Variants in ALPL observed in about 807,000 individuals in gnomAD.
The protein encoded by ALPL is alkaline phosphatase, biomineralization associated.
In ALPL, 42 loss-of-function variants were observed where a neutral mutation model predicts 51.3. That is an observed-to-expected ratio of 0.82 (90% CI 0.64 to 1.06). ALPL has a LOEUF of 1.06. Among genes scored for constraint, ALPL ranks in the 50% least tolerant of loss-of-function variants. The pLI is 0.00. For synonymous variants in ALPL, 279 were observed against 296.4 expected (o/e 0.94, Z 0.60); for missense variants, 589 against 709.4 (o/e 0.83, Z 1.93).
At chr1:21,566,356 T>C (rs1026341664) in intron 6 of ALPL, among the ~76,000 whole-genome samples, 1 of 152,212 alleles carries the variant, frequency 6.6e-6, no homozygotes, top group African/African-American at 2.4e-5. Context: ...CGATCTTGGC[T>C]CACTGCAGCC....
In ALPL at chr1:21,560,756, G is replaced by A; in HGVS notation, c.181+11G>A. ...TGTTCCTGGGAGATGGTGAGGCCCA[G>A]GGGCCTGTGGGAGGGGTGGAACAGG... On this transcript the variant is annotated intron_variant, in intron 3 of 11. Transcript: ENST00000374840. 1 of 1,613,996 alleles carries A rather than the reference G, an allele frequency of 6.2e-7. No homozygotes were observed. Among genetic ancestry groups the A allele is most frequent in the African/African-American group, 1.3e-5 (1 of 75,026 alleles).
chr1:21,574,042 G>A (rs1160032523), intron 9 of ALPL: 6 of 985,452 alleles, frequency 6.1e-6, no homozygotes, highest in South Asian at 4.7e-5. Context: ...CCTGGGAGAG[G>A]AGGCAGATTT....
At position 21,563,235 on chromosome 1, in the gene ALPL, C is replaced by T. The variant is rs1239474442; in HGVS notation, c.423C>T (p.Thr141=). The change falls in exon 5 of 12, where the codon ACC becomes ACT. Residue 141 remains threonine (T), a synonymous_variant. Coordinates refer to ENST00000374840, the MANE Select transcript of ALPL (RefSeq NM_000478.6). ...SAATERSRCN[T]TQGNEVTSIL... The stretch of plus-strand genomic sequence containing the variant: ...CCACTGAGCGTTCCCGGTGCAACAC[C>T]ACCCAGGGGAACGAGGTCACCTCCA... The T allele has an allele frequency of 1.2e-6, 2 of 1,613,794 alleles. No homozygotes were observed. Among genetic ancestry groups the T allele is most frequent in the Non-Finnish European group, 1.7e-6 (2 of 1,179,944 alleles).
intron 8 of ALPL, 137 bp from the exon 9 acceptor site, chr1:21,573,528 G>A (rs915155019): frequency 3.8e-6 from 4 of 1,046,414 alleles, no homozygotes; most frequent in Non-Finnish European, 5.7e-6. Context: ...CCCAGATAAG[G>A]ATCCTCCCAG....
chr1:21,547,706 C>T (rs1047675242), intron 1 of ALPL, among the ~76,000 whole-genome samples: 1 of 152,188 alleles, frequency 6.6e-6, no homozygotes, highest in African/African-American at 2.4e-5. Flanking sequence ...GCTTAAATGG[C>T]GCATAGTCGA....
chr1:21,560,260 A>G (rs751620319), intron 2 of ALPL, among the ~76,000 whole-genome samples: 1 of 152,234 alleles, frequency 6.6e-6, no homozygotes, highest in African/African-American at 2.4e-5. Context: ...AGCACAATTC[A>G]TTTGCTGCCT....
chr1:21,577,724 A>G lies in ALPL; in HGVS notation c.*76A>G. On this transcript the variant is annotated 3_prime_UTR_variant, in exon 12 of 12. Transcript: ENST00000374840. ...CACGGCAGCCCCCCCCTCAAGGGGC[A>G]GGGAGGTGGGGGCCTCCTCAGCCTC... The G allele has an allele frequency of 6.5e-7, 1 of 1,529,078 alleles. No homozygotes were observed. The highest frequency in any genetic ancestry group is 8.8e-7 in the Non-Finnish European group (1 of 1,140,622). 94.7% of individuals were successfully genotyped at this position (1,529,078 alleles called of 1,614,324 possible). A position where few individuals can be genotyped will look rare whatever the true frequency, so the allele number is the denominator to read the frequency against.
At chr1:21,565,200 C>T (rs1377328887) in intron 6 of ALPL, among the ~76,000 whole-genome samples, 1 of 152,182 alleles carries the variant, frequency 6.6e-6, no homozygotes, top group Non-Finnish European at 1.5e-5. Flanking sequence ...GCTACTTGGC[C>T]CCTCCACAGT....
chr1:21,573,972 G>C, intron 9 of ALPL, 173 bp downstream of exon 9: 1 of 985,380 alleles, frequency 1.0e-6, no homozygotes, highest in Non-Finnish European at 1.2e-6. Context: ...TCCCAGCCCA[G>C]CAAGCTGCTC....
Position 21,576,463 on chromosome 1 carries a change from G to T in ALPL, c.1190-59G>T, listed in dbSNP as rs534559758. 3.1e-4 allele frequency: 493 copies of T among 1,600,306 alleles called. No homozygotes were observed. The African/African-American group carries it at 5.3e-3, about 17-fold the overall frequency. Reference sequence around the variant, plus strand: ...AGCCACCAAGGAGCCTAATCTGGGGGCTGGGGACTGTACTCCTGGGGCCCC... The same window carrying T: ...AGCCACCAAGGAGCCTAATCTGGGGTCTGGGGACTGTACTCCTGGGGCCCC... On this transcript the variant is annotated intron_variant, in intron 10 of 11. Transcript: ENST00000374840.
chr1:21,564,261 C>A lies in ALPL; in HGVS notation c.648+45C>A. The A allele has an allele frequency of 1.2e-6, 2 of 1,607,046 alleles. No homozygotes were observed. The highest frequency in any genetic ancestry group is 8.5e-7 in the Non-Finnish European group (1 of 1,177,532). ...CGGGCAGGGACGGGGTGAGGCGGGGCCTCTGGTGGGCAGGAGGCCTCAGGC... is the reference window on the plus strand; with the variant it reads ...CGGGCAGGGACGGGGTGAGGCGGGGACTCTGGTGGGCAGGAGGCCTCAGGC... On this transcript the variant is annotated intron_variant, in intron 6 of 11. Coordinates refer to ENST00000374840, the MANE Select transcript of ALPL (RefSeq NM_000478.6). The surrounding 1 kb of genome is among the most constrained non-coding windows in gnomAD (Gnocchi z 5.8).
chr1:21,531,167 C>T (rs1644025188), intron 1 of ALPL, among the ~76,000 whole-genome samples: 1 of 152,088 alleles, frequency 6.6e-6, no homozygotes, highest in Non-Finnish European at 1.5e-5. Context: ...CCATGTTGGC[C>T]AGGCTGGTCT....
intron 6 of ALPL, among the ~76,000 whole-genome samples, chr1:21,566,051 G>A (rs1558550989): frequency 6.6e-6 from 1 of 152,076 alleles, no homozygotes; most frequent in Non-Finnish European, 1.5e-5. Flanking sequence ...GGCGGGGCAA[G>A]GGACCCGTGA....
chr1:21,516,036 G>A (rs1643793476), intron 1 of ALPL, among the ~76,000 whole-genome samples: 1 of 151,934 alleles, frequency 6.6e-6, no homozygotes, highest in African/African-American at 2.4e-5. Context: ...TCGCCACCAC[G>A]CCCCGCTAAT....
chr1:21,523,487 T>C (rs1643904477), intron 1 of ALPL, among the ~76,000 whole-genome samples: 1 of 152,196 alleles, frequency 6.6e-6, no homozygotes, highest in African/African-American at 2.4e-5. Context: ...GGTTGGCCAC[T>C]GGCAGCAGGC....
intron 1 of ALPL, among the ~76,000 whole-genome samples, chr1:21,521,277 C>T (rs530265222): frequency 1.8e-4 from 28 of 152,252 alleles, no homozygotes; most frequent in Middle Eastern, 3.4e-3. Flanking sequence ...CTGCGCCTCC[C>T]GGGTTCAAGC....
At chr1:21,552,087 C>T (rs1488627439) in intron 1 of ALPL, among the ~76,000 whole-genome samples, 1 of 73,864 alleles carries the variant, frequency 1.4e-5, no homozygotes, top group African/African-American at 4.6e-5. Flanking sequence ...TCTTTTTCTC[C>T]CTTCCCTTCC....
At chr1:21,563,477 G>A (rs1194404608) in intron 5 of ALPL, among the ~76,000 whole-genome samples, 193 bp downstream of exon 5, 1 of 152,206 alleles carries the variant, frequency 6.6e-6, no homozygotes, top group Admixed American at 6.5e-5. Context: ...GGTTCACTCA[G>A]TGGTGGGTTC....
At chr1:21,523,278 G>A (rs56336047) in intron 1 of ALPL, among the ~76,000 whole-genome samples, 20,805 of 152,154 alleles carry the variant, frequency 0.14, 1,538 homozygotes, top group Middle Eastern at 0.21. Context: ...CAGACTGGGC[G>A]ACAGAGCGAG....
Sources: gnomAD v4.1 joint callset for allele counts (sites outside exome capture counted in the v4.1 genomes callset) on GRCh38, gnomAD v4.1.1 for gene constraint, Gnocchi (gnomAD v3.1) non-coding constraint, MANE v1.5 for transcripts, NCBI Gene and HGNC (gene_info 2026-07-23, HGNC 2026-07-21) for gene names.